NLGN4Y: variants seen among roughly 807,000 people sequenced by gnomAD.
NLGN4Y encodes the protein neuroligin-4, Y-linked.
In NLGN4Y, 4 loss-of-function variants were observed where a neutral mutation model predicts 8.4. That is an observed-to-expected ratio of 0.48 (90% CI 0.23 to 1.09). NLGN4Y has a LOEUF of 1.09. NLGN4Y is among the 50% of genes least tolerant of loss of function. The pLI, the probability that NLGN4Y is intolerant of heterozygous loss-of-function variation, is 0.19. For missense variants in NLGN4Y, 90 were observed against 192.3 expected, an observed-to-expected ratio of 0.47 and a Z score of 3.15; for synonymous variants, 35 against 75.6, an observed-to-expected ratio of 0.46 and a Z score of 2.78.
intron 1 of NLGN4Y, among the ~76,000 whole-genome samples, chrY:14,567,392 C>A: frequency 1.3e-4 from 4 of 30,931 alleles, no homozygotes; most frequent in Non-Finnish European, 3.1e-4. Flanking sequence ...CCACGCCTGG[C>A]AAATTTTTTG....
At chrY:14,647,390 A>T (rs2080614743) in intron 2 of NLGN4Y, among the ~76,000 whole-genome samples, 1 of 34,227 alleles carries the variant, frequency 2.9e-5, no homozygotes, top group Admixed American at 2.6e-4. Context: ...CTATTGGTAG[A>T]TAAAGTTTAG....
chrY:14,622,777 G>T, intron 2 of NLGN4Y, among the ~76,000 whole-genome samples, 186 bp downstream of exon 2: 1 of 33,611 alleles, frequency 3.0e-5, no homozygotes, highest in African/African-American at 1.2e-4. Flanking sequence ...TGTATATATT[G>T]GGACATCTAC....
chrY:14,672,253 G>A, intron 2 of NLGN4Y, among the ~76,000 whole-genome samples: 2 of 32,527 alleles, frequency 6.1e-5, no homozygotes, highest in South Asian at 6.9e-4. Flanking sequence ...TGCTGGGCGC[G>A]GTGGCTCATG....
At chrY:14,779,740 T>C in intron 4 of NLGN4Y, among the ~76,000 whole-genome samples, 1 of 33,644 alleles carries the variant, frequency 3.0e-5, no homozygotes, top group South Asian at 6.7e-4. Flanking sequence ...GAATAACTTA[T>C]ACCAAAGTTT....
intron 2 of NLGN4Y, among the ~76,000 whole-genome samples, chrY:14,701,195 G>GCACA (rs371313575): frequency 9.0e-5 from 2 of 22,267 alleles, no homozygotes; most frequent in African/African-American, 1.7e-4. Flanking sequence ...GCATGCACAC[G>GCACA]CACACACACA....
intron 4 of NLGN4Y, among the ~76,000 whole-genome samples, chrY:14,758,562 G>A: frequency 3.0e-5 from 1 of 33,660 alleles, no homozygotes; most frequent in Non-Finnish European, 7.3e-5. Context: ...GTGCACTAAG[G>A]CAAAGGCTGC....
intron 1 of NLGN4Y, among the ~76,000 whole-genome samples, chrY:14,620,279 CA>C (rs2080503803): frequency 3.0e-5 from 1 of 33,652 alleles, no homozygotes; most frequent in African/African-American, 1.2e-4. Flanking sequence ...AAGAAGCAAC[CA>C]AACACGACAT....
intron 2 of NLGN4Y, among the ~76,000 whole-genome samples, chrY:14,679,618 A>G (rs2080761488): frequency 3.0e-5 from 1 of 33,295 alleles, no homozygotes; most frequent in Non-Finnish European, 7.4e-5. Context: ...GCCCTTGAAG[A>G]TTTTGTGGCT....
chrY:14,555,506 G>C (rs2080208013), intron 1 of NLGN4Y, among the ~76,000 whole-genome samples: 1 of 32,672 alleles, frequency 3.1e-5, no homozygotes. Context: ...ATCATCTTGG[G>C]GGTCATGATT....
chrY:14,800,882 A>G, intron 4 of NLGN4Y, among the ~76,000 whole-genome samples: 1 of 31,788 alleles, frequency 3.1e-5, no homozygotes, highest in East Asian at 8.1e-4. Context: ...GAAAACTCTA[A>G]TCAGCTACAA....
chrY:14,661,340 CAG>C (rs2080674023), intron 2 of NLGN4Y, among the ~76,000 whole-genome samples: 2 of 32,586 alleles, frequency 6.1e-5, no homozygotes, highest in Non-Finnish European at 1.5e-4. Context: ...GAGACTCAAA[CAG>C]GGGAAAGGAT....
At chrY:14,832,305 A>G (rs2043182713) in intron 6 of NLGN4Y, among the ~76,000 whole-genome samples, 1 of 34,308 alleles carries the variant, frequency 2.9e-5, no homozygotes, top group Non-Finnish European at 7.3e-5. Context: ...TATCATCTGG[A>G]TATCAACTTT....
intron 2 of NLGN4Y, among the ~76,000 whole-genome samples, chrY:14,638,008 C>T (rs2080573603): frequency 6.2e-5 from 2 of 32,019 alleles, no homozygotes; most frequent in African/African-American, 1.2e-4. Context: ...TTACTATATA[C>T]TTTTTCTTTT....
chrY:14,796,310 T>G (rs2043007947), intron 4 of NLGN4Y, among the ~76,000 whole-genome samples: 1 of 32,632 alleles, frequency 3.1e-5, no homozygotes, highest in Non-Finnish European at 7.5e-5. Flanking sequence ...AAATAAGAAA[T>G]AGGCCGGACG....
intron 1 of NLGN4Y, among the ~76,000 whole-genome samples, chrY:14,538,940 C>T: frequency 3.0e-5 from 1 of 33,347 alleles, no homozygotes; most frequent in Non-Finnish European, 7.4e-5. Flanking sequence ...CTAATTCTCT[C>T]TCCATCTATG....
chrY:14,732,806 T>C, intron 4 of NLGN4Y, among the ~76,000 whole-genome samples: 1 of 33,143 alleles, frequency 3.0e-5, no homozygotes, highest in Non-Finnish European at 7.4e-5. Context: ...ATCTTGATCC[T>C]GCATCTTGAC....
intron 2 of NLGN4Y, among the ~76,000 whole-genome samples, chrY:14,629,500 G>C: frequency 3.0e-5 from 1 of 33,679 alleles, no homozygotes. Flanking sequence ...AATCAGATTG[G>C]GAGAAGGGCA....
At chrY:14,531,619 TA>T (rs2080115316) in intron 1 of NLGN4Y, among the ~76,000 whole-genome samples, 2 of 30,907 alleles carry the variant, frequency 6.5e-5, no homozygotes, top group East Asian at 8.4e-4. Context: ...AAATATATAA[TA>T]AAAATGTGTT....
chrY:14,826,859 G>A (rs2043148839), intron 5 of NLGN4Y, among the ~76,000 whole-genome samples: 5 of 33,566 alleles, frequency 1.5e-4, no homozygotes, highest in Non-Finnish European at 2.9e-4. Flanking sequence ...TCTTCAGTGA[G>A]CTCTGAAGGT....
Sources: gnomAD v4.1 joint callset for allele counts (sites outside exome capture counted in the v4.1 genomes callset) on GRCh38, gnomAD v4.1.1 for gene constraint, MANE v1.5 for transcripts, NCBI Gene and HGNC (gene_info 2026-07-23, HGNC 2026-07-21) for gene names.